CNTN1: variants seen among roughly 807,000 people sequenced by gnomAD.
CNTN1 encodes the protein contactin-1.
CNTN1 carries 38 observed loss-of-function variants against 126.4 expected under a neutral mutation model. The observed-to-expected ratio is 0.30, with a 90% CI of 0.23 to 0.39. CNTN1 has a LOEUF of 0.39. CNTN1 is among the 10% of genes least tolerant of loss of function. The probability of loss-of-function intolerance (pLI) is 1.00; values close to 1 mark genes in which losing one functional copy is unlikely to be tolerated. For missense variants in CNTN1, 1,009 were observed against 1,248.4 expected, an observed-to-expected ratio of 0.81 and a Z score of 2.89; for synonymous variants, 413 against 422.6, an observed-to-expected ratio of 0.98 and a Z score of 0.28.
chr12:40,923,344 G>C (rs528493996), intron 5 of CNTN1, among the ~76,000 whole-genome samples: 1 of 152,064 alleles, frequency 6.6e-6, no homozygotes, highest in Non-Finnish European at 1.5e-5. Context: ...TATGTGATTT[G>C]TCAGCACTTA....
intron 20 of CNTN1, among the ~76,000 whole-genome samples, chr12:41,024,437 T>C (rs1482243416): frequency 1.3e-5 from 2 of 152,126 alleles, no homozygotes; most frequent in African/African-American, 2.4e-5. Flanking sequence ...ATGAAAATTA[T>C]AATCCATAAC....
At chr12:41,036,725 T>G (rs982221098) in intron 23 of CNTN1, among the ~76,000 whole-genome samples, 1 of 152,212 alleles carries the variant, frequency 6.6e-6, no homozygotes, top group Non-Finnish European at 1.5e-5. Context: ...TATGATAACC[T>G]CATAATGGAT....
chr12:40,809,301 A>G (rs1006059914), intron 1 of CNTN1, among the ~76,000 whole-genome samples: 4 of 152,224 alleles, frequency 2.6e-5, no homozygotes, highest in African/African-American at 9.6e-5. Context: ...ATGAAGAAGC[A>G]AAGTTGATTG....
chr12:40,839,109 G>A (rs981491397), intron 1 of CNTN1, among the ~76,000 whole-genome samples: 1 of 152,022 alleles, frequency 6.6e-6, no homozygotes, highest in Admixed American at 6.6e-5. Context: ...TGGAACTGAG[G>A]TACTTTTTGA....
At position 40,864,183 on chromosome 12, in the gene CNTN1, A is replaced by AT. The variant is rs573486187; in HGVS notation, c.-76-44168dup. Among the ~76,000 whole-genome samples, 689 of 151,018 alleles carry AT rather than the reference A, an allele frequency of 4.6e-3. 6 individuals carry two copies. Among genetic ancestry groups the AT allele is most frequent in the African/African-American group, 0.012 (510 of 41,164 alleles). ...AGGAGCCCGCCACCACGCCCAGCTA[A>AT]TTTTTTGTATTTTTAGTAGAGACAG... On this transcript the variant is annotated intron_variant, in intron 1 of 23. Coordinates refer to ENST00000551295, the MANE Select transcript of CNTN1 (RefSeq NM_001843.4).
chr12:40,850,219 C>T (rs1157747213), intron 1 of CNTN1, among the ~76,000 whole-genome samples: 1 of 152,072 alleles, frequency 6.6e-6, no homozygotes, highest in Non-Finnish European at 1.5e-5. Context: ...CTATATTGCT[C>T]ATTATGAAAT....
chr12:40,746,283 A>G (rs1254889094), intron 1 of CNTN1, among the ~76,000 whole-genome samples: 1 of 152,114 alleles, frequency 6.6e-6, no homozygotes, highest in African/African-American at 2.4e-5. Context: ...GGCTATTCCA[A>G]TACTTATTAA....
At chr12:40,726,042 G>C (rs1942344004) in intron 1 of CNTN1, among the ~76,000 whole-genome samples, 1 of 152,044 alleles carries the variant, frequency 6.6e-6, no homozygotes. Flanking sequence ...CAATACACAG[G>C]TATGGTAAAA....
intron 23 of CNTN1, among the ~76,000 whole-genome samples, chr12:41,034,129 T>C (rs1274620965): frequency 6.6e-6 from 1 of 152,208 alleles, no homozygotes; most frequent in African/African-American, 2.4e-5. Flanking sequence ...CTAGGGTAGA[T>C]TCTAAAAGAG....
At chr12:40,707,081 CACACACA>C (rs1196409266) in intron 1 of CNTN1, among the ~76,000 whole-genome samples, 2 of 125,782 alleles carry the variant, frequency 1.6e-5, no homozygotes, top group Non-Finnish European at 3.5e-5. Flanking sequence ...CACACACACA[CACACACA>C]CCCCTGCTCA....
intron 6 of CNTN1, among the ~76,000 whole-genome samples, chr12:40,925,143 G>T (rs954127236): frequency 2.6e-5 from 4 of 151,518 alleles, no homozygotes; most frequent in African/African-American, 9.7e-5. Flanking sequence ...TATAAATGGG[G>T]CTAAATTAAG....
chr12:40,917,700 T>G (rs953161639), intron 3 of CNTN1, among the ~76,000 whole-genome samples: 1 of 152,158 alleles, frequency 6.6e-6, no homozygotes, highest in Non-Finnish European at 1.5e-5. Context: ...ATTAATTCAT[T>G]TGAGGCATAT....
intron 17 of CNTN1, among the ~76,000 whole-genome samples, chr12:41,003,296 C>T (rs918692601): frequency 5.3e-5 from 8 of 152,150 alleles, no homozygotes; most frequent in African/African-American, 1.9e-4. Context: ...ATAAAGTCTA[C>T]TTGATTGCCA....
chr12:40,927,242 G>GAA (rs1945727758), intron 6 of CNTN1, among the ~76,000 whole-genome samples: 1 of 152,048 alleles, frequency 6.6e-6, no homozygotes, highest in African/African-American at 2.4e-5. Context: ...ATAATCCGAG[G>GAA]AAAACAGATA....
chr12:40,722,374 A>T (rs964441859), intron 1 of CNTN1, among the ~76,000 whole-genome samples: 1 of 152,224 alleles, frequency 6.6e-6, no homozygotes, highest in Non-Finnish European at 1.5e-5. Context: ...TATTCCAAAC[A>T]TGTATATACA....
chr12:40,734,529 T>G (rs1942574145), intron 1 of CNTN1, among the ~76,000 whole-genome samples: 1 of 152,118 alleles, frequency 6.6e-6, no homozygotes, highest in African/African-American at 2.4e-5. Context: ...ATACTGGCCT[T>G]TGGCTAGTTG....
intron 17 of CNTN1, among the ~76,000 whole-genome samples, chr12:41,001,536 C>T (rs1293978911): frequency 2.6e-5 from 4 of 151,926 alleles, no homozygotes; most frequent in Non-Finnish European, 5.9e-5. Context: ...ATTTTTTTCC[C>T]ATTCTCTAGG....
intron 1 of CNTN1, among the ~76,000 whole-genome samples, chr12:40,883,387 G>A (rs1296162944): frequency 6.6e-6 from 1 of 151,532 alleles, no homozygotes; most frequent in East Asian, 1.9e-4. Context: ...AAATGCAAAT[G>A]TATTTCTCCA....
At chr12:40,989,207 AAGAAG>A (rs1215287827) in intron 16 of CNTN1, among the ~76,000 whole-genome samples, 1 of 152,204 alleles carries the variant, frequency 6.6e-6, no homozygotes. Flanking sequence ...GAAGAAAGAG[AAGAAG>A]AGAAAAGGAT....
Sources: gnomAD v4.1 joint callset for allele counts (sites outside exome capture counted in the v4.1 genomes callset) on GRCh38, gnomAD v4.1.1 for gene constraint, MANE v1.5 for transcripts, NCBI Gene and HGNC (gene_info 2026-07-23, HGNC 2026-07-21) for gene names.